CTNNA2: variants seen among roughly 807,000 people sequenced by gnomAD.
CTNNA2 encodes catenin alpha-2.
A neutral mutation model predicts 101.0 loss-of-function variants in CTNNA2; 42 were observed. The ratio of observed to expected loss-of-function variants is 0.42; its 90% CI spans 0.32 to 0.54. The LOEUF (loss-of-function observed/expected upper bound fraction) is 0.54, where lower values mean the gene tolerates loss of function less well. CTNNA2 is among the 20% of genes least tolerant of loss of function. The pLI, the probability that CTNNA2 is intolerant of heterozygous loss-of-function variation, is 0.14. For synonymous variants in CTNNA2, 450 were observed against 456.4 expected, an observed-to-expected ratio of 0.99 and a Z score of 0.18; for missense variants, 871 against 1,223.1, an observed-to-expected ratio of 0.71 and a Z score of 4.29.
At chr2:79,408,321 T>C (rs1678363703) in intron 4 of CTNNA2, among the ~76,000 whole-genome samples, 1 of 151,134 alleles carries the variant, frequency 6.6e-6, no homozygotes. Flanking sequence ...ATTATTATAA[T>C]ACTTTAAGTT....
chr2:80,186,374 A>G (rs978269441), intron 7 of CTNNA2, among the ~76,000 whole-genome samples: 1 of 152,188 alleles, frequency 6.6e-6, no homozygotes, highest in Non-Finnish European at 1.5e-5. Context: ...TGTCCTTCTC[A>G]GACAGATATC....
chr2:80,211,237 T>A (rs958386755), intron 7 of CTNNA2, among the ~76,000 whole-genome samples: 3 of 152,122 alleles, frequency 2.0e-5, no homozygotes, highest in Non-Finnish European at 4.4e-5. Context: ...CCCATTTGTC[T>A]ACTTTGGCTT....
chr2:79,747,871 C>T (rs1163248868), intron 3 of CTNNA2, among the ~76,000 whole-genome samples: 1 of 152,148 alleles, frequency 6.6e-6, no homozygotes, highest in African/African-American at 2.4e-5. Flanking sequence ...CTGTATAAAA[C>T]TCAAATGCCA....
Position 79,446,292 on chromosome 2 carries a change from G to A in CTNNA2, c.-134-58762G>A, listed in dbSNP as rs557636234. ...TGCCCTAGAATAACCCTACATTGAA[G>A]GTTGGAAAACGGAAAGATGGCTCTT... On this transcript the variant is annotated intron_variant, in intron 4 of 21. Coordinates refer to the CTNNA2 transcript ENST00000466387. Among the ~76,000 whole-genome samples, 12 of 152,020 alleles carry A rather than the reference G, an allele frequency of 7.9e-5. No homozygotes were observed. In the East Asian group the frequency reaches 2.1e-3, roughly 27 times the overall value.
chr2:79,602,206 A>C (rs1257133930), intron 1 of CTNNA2, among the ~76,000 whole-genome samples: 1 of 152,224 alleles, frequency 6.6e-6, no homozygotes, highest in Admixed American at 6.5e-5. Flanking sequence ...AGTAGGATTT[A>C]TCTCAGGAAT....
intron 2 of CTNNA2, among the ~76,000 whole-genome samples, chr2:79,658,348 G>A (rs1681768918): frequency 6.6e-6 from 1 of 151,916 alleles, no homozygotes; most frequent in South Asian, 2.1e-4. Context: ...AAGTGAGATG[G>A]TTTAAAGGGA....
intron 7 of CTNNA2, among the ~76,000 whole-genome samples, chr2:80,270,141 C>T (rs1673347538): frequency 6.6e-6 from 1 of 152,198 alleles, no homozygotes; most frequent in South Asian, 2.1e-4. Flanking sequence ...TGTCCCTTAG[C>T]CACAGGCTCC....
chr2:80,546,602 G>C (rs757098708), intron 11 of CTNNA2, among the ~76,000 whole-genome samples: 33 of 152,194 alleles, frequency 2.2e-4, no homozygotes, highest in Non-Finnish European at 5.9e-5. Context: ...AGAAGGAAGC[G>C]AGTGAAAGAA....
At chr2:79,942,942 C>T (rs1688254136) in intron 7 of CTNNA2, among the ~76,000 whole-genome samples, 1 of 152,170 alleles carries the variant, frequency 6.6e-6, no homozygotes, top group Non-Finnish European at 1.5e-5. Flanking sequence ...GTCAGCTGAG[C>T]ATGGTGGCTT....
chr2:79,646,911 A>G (rs917289441), intron 1 of CTNNA2, among the ~76,000 whole-genome samples: 1 of 152,178 alleles, frequency 6.6e-6, no homozygotes, highest in Admixed American at 6.5e-5. Flanking sequence ...GCTGTATGGA[A>G]GAAGACAAAC....
intron 3 of CTNNA2, among the ~76,000 whole-genome samples, chr2:79,807,729 G>A (rs889916738): frequency 6.6e-6 from 1 of 152,144 alleles, no homozygotes; most frequent in African/African-American, 2.4e-5. Context: ...ATTTACTGAA[G>A]TTACAGCTGT....
intron 2 of CTNNA2, among the ~76,000 whole-genome samples, chr2:79,722,487 A>C (rs978974274): frequency 4.6e-5 from 7 of 152,196 alleles, no homozygotes; most frequent in Non-Finnish European, 7.3e-5. Context: ...TTACTTTAGT[A>C]ATATATAATG....
At chr2:80,089,868 G>C (rs1699674668) in intron 7 of CTNNA2, among the ~76,000 whole-genome samples, 1 of 152,012 alleles carries the variant, frequency 6.6e-6, no homozygotes, top group African/African-American at 2.4e-5. Context: ...AGTGAGAAAT[G>C]TGGCTCTCTA....
chr2:79,511,537 A>T (rs1247208556), upstream of CTNNA2, among the ~76,000 whole-genome samples: 1 of 152,172 alleles, frequency 6.6e-6, no homozygotes, highest in African/African-American at 2.4e-5. Context: ...GTGGTCCTGA[A>T]ACATGGTTGC....
At chr2:79,374,561 TTCTC>T (rs1380519845) in intron 4 of CTNNA2, among the ~76,000 whole-genome samples, 7 of 152,224 alleles carry the variant, frequency 4.6e-5, no homozygotes, top group Admixed American at 2.6e-4. Flanking sequence ...TTAGTCAACA[TTCTC>T]TATTATTCTG....
At chr2:79,445,394 G>A (rs1389468936) in intron 4 of CTNNA2, among the ~76,000 whole-genome samples, 4 of 152,264 alleles carry the variant, frequency 2.6e-5, no homozygotes, top group Non-Finnish European at 5.9e-5. Flanking sequence ...AGGGCCAGAT[G>A]TTGAACCTCC....
chr2:80,592,640 C>T (rs1176390953), intron 15 of CTNNA2, among the ~76,000 whole-genome samples: 1 of 152,114 alleles, frequency 6.6e-6, no homozygotes, highest in Non-Finnish European at 1.5e-5. Context: ...AGTAAAATTT[C>T]CCAAACATAT....
intron 4 of CTNNA2, among the ~76,000 whole-genome samples, chr2:79,487,636 G>A (rs562194262): frequency 6.6e-6 from 1 of 152,270 alleles, no homozygotes; most frequent in East Asian, 1.9e-4. Context: ...TGAGCTCTCA[G>A]CCTTCAGCCA....
At chr2:80,609,198 G>A (rs1324795416) in intron 17 of CTNNA2, among the ~76,000 whole-genome samples, 1 of 151,750 alleles carries the variant, frequency 6.6e-6, no homozygotes, top group African/African-American at 2.4e-5. Context: ...TATTATCAGC[G>A]TGGTGAATAC....
Sources: gnomAD v4.1 joint callset for allele counts (sites outside exome capture counted in the v4.1 genomes callset) on GRCh38, gnomAD v4.1.1 for gene constraint, MANE v1.5 for transcripts, NCBI Gene and HGNC (gene_info 2026-07-23, HGNC 2026-07-21) for gene names.